NLGN1: variants seen among roughly 807,000 people sequenced by gnomAD.
NLGN1 encodes neuroligin 1, also known as neuroligin-1.
NLGN1 carries 12 observed loss-of-function variants against 65.5 expected under a neutral mutation model. That is an observed-to-expected ratio of 0.18 (90% confidence interval 0.12 to 0.30). The LOEUF is 0.30. Ranked by LOEUF, NLGN1 falls within the 10% of genes least tolerant of loss-of-function variation. NLGN1 has a pLI of 1.00. For synonymous variants in NLGN1, 350 were observed against 359.5 expected (o/e 0.97, Z 0.30); for missense variants, 750 against 1,007.1 (o/e 0.74, Z 3.46).
intron 4 of NLGN1, chr3:174,057,516 A>C (rs986997441): frequency 6.6e-6 from 1 of 152,078 alleles, no homozygotes; most frequent in Non-Finnish European, 1.5e-5. Flanking sequence ...TTGCTTCCTA[A>C]CAGAATTTGA....
At chr3:173,521,580 T>A (rs575719584) in intron 2 of NLGN1, among the ~76,000 whole-genome samples, 1 of 152,362 alleles carries the variant, frequency 6.6e-6, no homozygotes, top group African/African-American at 2.4e-5. Context: ...TGAGCCTTTT[T>A]TCTGATCCTC....
At chr3:173,709,430 A>G (rs1185249119) in intron 3 of NLGN1, among the ~76,000 whole-genome samples, 1 of 152,200 alleles carries the variant, frequency 6.6e-6, no homozygotes, top group East Asian at 1.9e-4. Flanking sequence ...GGGAGATAGA[A>G]CCAGAATATT....
chr3:173,589,816 TA>T (rs1396965419), intron 2 of NLGN1, among the ~76,000 whole-genome samples: 2 of 152,146 alleles, frequency 1.3e-5, no homozygotes, highest in Non-Finnish European at 2.9e-5. Flanking sequence ...CAATGAATGG[TA>T]GATCTACAGG....
chr3:174,083,965 C>A (rs1333588999), intron 4 of NLGN1, among the ~76,000 whole-genome samples: 1 of 152,166 alleles, frequency 6.6e-6, no homozygotes, highest in Non-Finnish European at 1.5e-5. Context: ...GAGGGATAAA[C>A]AGCCTCTAGA....
intron 3 of NLGN1, among the ~76,000 whole-genome samples, chr3:173,686,513 C>A (rs905735151): frequency 4.6e-5 from 7 of 152,054 alleles, no homozygotes; most frequent in Non-Finnish European, 8.8e-5. Context: ...AAACTTTGCT[C>A]TCTGAGGATT....
chr3:173,517,711 G>T (rs1160123623), intron 2 of NLGN1, among the ~76,000 whole-genome samples: 1 of 151,860 alleles, frequency 6.6e-6, no homozygotes, highest in Non-Finnish European at 1.5e-5. Context: ...TATACAGTCA[G>T]CAGCATAATG....
chr3:173,626,676 A>T (rs1348245856), intron 3 of NLGN1, among the ~76,000 whole-genome samples: 2 of 152,084 alleles, frequency 1.3e-5, no homozygotes, highest in Non-Finnish European at 2.9e-5. Context: ...GATATAGACC[A>T]GTGTGGGCCA....
At chr3:173,730,456 A>G (rs954028445) in intron 3 of NLGN1, among the ~76,000 whole-genome samples, 1 of 152,046 alleles carries the variant, frequency 6.6e-6, no homozygotes, top group Admixed American at 6.6e-5. Context: ...TTTCCAAAAT[A>G]TTATCATTTC....
chr3:174,003,166 G>T (rs924213087), intron 4 of NLGN1, among the ~76,000 whole-genome samples: 1 of 152,062 alleles, frequency 6.6e-6, no homozygotes, highest in Non-Finnish European at 1.5e-5. Context: ...GTGTTTAAAA[G>T]GAATAATAGT....
intron 4 of NLGN1, among the ~76,000 whole-genome samples, chr3:174,211,426 A>G (rs1736485570): frequency 6.6e-6 from 1 of 152,046 alleles, no homozygotes; most frequent in African/African-American, 2.4e-5. Context: ...AGGTTCTTCA[A>G]GGCCCCACCA....
At chr3:174,242,522 CAGT>C (rs769950228) in intron 4 of NLGN1, among the ~76,000 whole-genome samples, 8 of 152,112 alleles carry the variant, frequency 5.3e-5, no homozygotes, top group Non-Finnish European at 1.2e-4. Flanking sequence ...CCTGTCAAAT[CAGT>C]GGCAGCATTA....
At chr3:173,525,170 C>A (rs909940102) in intron 2 of NLGN1, among the ~76,000 whole-genome samples, 1 of 152,072 alleles carries the variant, frequency 6.6e-6, no homozygotes, top group African/African-American at 2.4e-5. Context: ...AAAATTGGTA[C>A]CAGCTCCTTT....
chr3:173,675,881 TCTCTCTCACA>T (rs1289886694), intron 3 of NLGN1, among the ~76,000 whole-genome samples: 5 of 138,764 alleles, frequency 3.6e-5, no homozygotes, highest in Non-Finnish European at 7.8e-5. Flanking sequence ...TCTCTCTCTC[TCTCTCTCACA>T]CACACACACA....
intron 4 of NLGN1, among the ~76,000 whole-genome samples, chr3:173,941,753 C>T (rs748611830): frequency 6.6e-6 from 1 of 151,690 alleles, no homozygotes; most frequent in Non-Finnish European, 1.5e-5. Flanking sequence ...GGAAAACAAA[C>T]TGAAGTTACA....
intron 2 of NLGN1, among the ~76,000 whole-genome samples, chr3:173,505,846 C>A (rs774955515): frequency 5.3e-5 from 8 of 152,004 alleles, no homozygotes; most frequent in Non-Finnish European, 1.0e-4. Flanking sequence ...ATAATAGAGG[C>A]TTTATGGGAT....
chr3:173,600,752 G>A (rs1456326028), intron 2 of NLGN1, among the ~76,000 whole-genome samples: 1 of 151,482 alleles, frequency 6.6e-6, no homozygotes, highest in South Asian at 2.1e-4. Flanking sequence ...CCTTTACAAT[G>A]TCATAAGCTA....
intron 3 of NLGN1, among the ~76,000 whole-genome samples, chr3:173,740,805 G>A (rs922292956): frequency 5.9e-5 from 9 of 151,986 alleles, no homozygotes; most frequent in African/African-American, 2.2e-4. Flanking sequence ...TAAAAGGAAA[G>A]GATAAATTGT....
intron 4 of NLGN1, among the ~76,000 whole-genome samples, chr3:174,043,036 G>A (rs1403663848): frequency 6.6e-6 from 1 of 152,178 alleles, no homozygotes; most frequent in Admixed American, 6.5e-5. Context: ...AGGATGGCAG[G>A]AGAGAAAAAT....
At chr3:173,489,650 G>A (rs1184333931) in intron 2 of NLGN1, among the ~76,000 whole-genome samples, 1 of 152,016 alleles carries the variant, frequency 6.6e-6, no homozygotes, top group Non-Finnish European at 1.5e-5. Flanking sequence ...GATCCCTGAG[G>A]AATCGCCACA....
Sources: allele counts gnomAD v4.1 joint callset (sites outside exome capture counted in the v4.1 genomes callset), GRCh38; gene constraint gnomAD v4.1.1; transcripts MANE v1.5; gene names NCBI Gene and HGNC (gene_info 2026-07-23, HGNC 2026-07-21).